CCDC33: variants seen among roughly 807,000 people sequenced by gnomAD.
The protein encoded by CCDC33 is coiled-coil domain containing 33.
A neutral mutation model predicts 91.9 loss-of-function variants in CCDC33; 94 were observed. The observed-to-expected ratio is 1.02, with a 90% confidence interval of 0.87 to 1.21. The LOEUF is 1.21. Ranked by LOEUF, CCDC33 falls within the 50% of genes most tolerant of loss-of-function variation. The pLI, the probability that CCDC33 is intolerant of heterozygous loss-of-function variation, is 0.00. For synonymous variants in CCDC33, 396 were observed against 374.5 expected, an observed-to-expected ratio of 1.06 and a Z score of -0.66; for missense variants, 940 against 935.5, an observed-to-expected ratio of 1.00 and a Z score of -0.06.
chr15:74,333,195 C>A (rs148642464), intron 16 of CCDC33: 4 of 1,530,946 alleles, frequency 2.6e-6, no homozygotes, highest in Non-Finnish European at 3.6e-6. Flanking sequence ...CTTGGTGCAG[C>A]CTTGGAGAGC....
chr15:74,252,379 A>C (rs2075735642), intron 2 of CCDC33, among the ~76,000 whole-genome samples: 1 of 152,210 alleles, frequency 6.6e-6, no homozygotes, highest in African/African-American at 2.4e-5. Context: ...TTGTCTCAGC[A>C]GCCAGAGGGT....
chr15:74,320,643 G>A (rs2060187991), intron 11 of CCDC33, among the ~76,000 whole-genome samples: 1 of 152,136 alleles, frequency 6.6e-6, no homozygotes, highest in Admixed American at 6.5e-5. Context: ...AGGTGGAGAA[G>A]GGGACCCACC....
chr15:74,293,826 C>T (rs993424798), intron 10 of CCDC33, among the ~76,000 whole-genome samples: 5 of 152,222 alleles, frequency 3.3e-5, no homozygotes, highest in Admixed American at 1.3e-4. Flanking sequence ...GTCTATTTTG[C>T]ACCCATTTGA....
At chr15:74,219,434 C>T (rs893785564) in intron 2 of CCDC33, among the ~76,000 whole-genome samples, 2 of 152,186 alleles carry the variant, frequency 1.3e-5, no homozygotes, top group African/African-American at 4.8e-5. Context: ...GAGAAACAGG[C>T]CCAAGGTATG....
At chr15:74,268,999 C>A (rs547626907) in intron 5 of CCDC33, among the ~76,000 whole-genome samples, 21 of 152,362 alleles carry the variant, frequency 1.4e-4, no homozygotes, top group African/African-American at 5.1e-4. Flanking sequence ...ATTCATCCAG[C>A]AACTGTTTAC....
At chr15:74,243,505 G>A (rs1202194742) in intron 1 of CCDC33, among the ~76,000 whole-genome samples, 1 of 152,210 alleles carries the variant, frequency 6.6e-6, no homozygotes, top group Non-Finnish European at 1.5e-5. Context: ...GAGGCACTGA[G>A]AGAGACGTGG....
intron 11 of CCDC33, among the ~76,000 whole-genome samples, chr15:74,309,873 C>T (rs1413752063): frequency 1.3e-5 from 2 of 152,166 alleles, no homozygotes; most frequent in African/African-American, 4.8e-5. Flanking sequence ...GAGAAGCTAG[C>T]GCAGTGGCTC....
At chr15:74,263,878 G>T (rs1166996363) in intron 3 of CCDC33, among the ~76,000 whole-genome samples, 1 of 152,182 alleles carries the variant, frequency 6.6e-6, no homozygotes, top group Non-Finnish European at 1.5e-5. Context: ...GCACAAGTAT[G>T]TATAGATCGT....
At chr15:74,267,138 G>A (rs950341283) in intron 4 of CCDC33, among the ~76,000 whole-genome samples, 1 of 152,216 alleles carries the variant, frequency 6.6e-6, no homozygotes, top group African/African-American at 2.4e-5. Flanking sequence ...CTGCTTGCAC[G>A]CCCTGTGCTA....
rs370366309 is a variant in CCDC33 at position 74,272,868 on chromosome 15, G to A, written c.736G>A (p.Val246Ile). The change falls in exon 7 of 19, where the codon GTC becomes ATC. Residue 246 changes from valine (V) to isoleucine (I), a missense_variant. Physicochemically the swap from Val to Ile is conservative, Grantham distance 29. Coordinates refer to ENST00000398814, the MANE Select transcript of CCDC33 (RefSeq NM_025055.5). ...PSMMNFDVPR[V>I]SQNGCPQLSK... is the part of the protein sequence containing the mutation. ...CATGATGAACTTTGACGTGCCTCGC[G>A]TCAGCCAGAACGGATGCCCTCAGGT... 2.0e-5 allele frequency: 33 copies of A among 1,614,126 alleles called. No individual in the cohort carries two copies. Among genetic ancestry groups the A allele is most frequent in the South Asian group, 6.6e-5 (6 of 91,088 alleles).
At chr15:74,298,408 GA>G (rs1274742330) in intron 11 of CCDC33, among the ~76,000 whole-genome samples, 1 of 152,146 alleles carries the variant, frequency 6.6e-6, no homozygotes, top group Non-Finnish European at 1.5e-5. Flanking sequence ...ACATCTGAAA[GA>G]ATATTAGAAT....
At position 74,256,117 on chromosome 15, in the gene CCDC33, C is replaced by T. The variant is rs555263029; in HGVS notation, c.186-6323C>T. ...AGTAGTGGTGGTGAGGGTGGGGAGG[C>T]GCCAGGAATCATAATGCTGTCCCCA... On this transcript the variant is annotated intron_variant, in intron 2 of 18. Coordinates refer to ENST00000398814, the MANE Select transcript of CCDC33 (RefSeq NM_025055.5). Among the ~76,000 whole-genome samples the T allele has an allele frequency of 1.4e-4, 21 of 152,254 alleles. No individual in the cohort carries two copies. The East Asian group carries it at 2.1e-3, about 15-fold the overall frequency.
At chr15:74,217,628 C>T (rs548903205) in intron 1 of CCDC33, 1 of 1,173,488 alleles carries the variant, frequency 8.5e-7, no homozygotes, top group African/African-American at 1.6e-5. Flanking sequence ...CCCTGGAACT[C>T]CTGCCTGAGT....
intron 2 of CCDC33, among the ~76,000 whole-genome samples, chr15:74,249,953 G>C (rs138749692): frequency 1.1e-4 from 16 of 151,948 alleles, no homozygotes; most frequent in Admixed American, 1.0e-3. Flanking sequence ...TCTTGATCTC[G>C]TCTACCTGAC....
chr15:74,208,483 C>T (rs993018590), intron 1 of CCDC33, among the ~76,000 whole-genome samples: 13 of 152,178 alleles, frequency 8.5e-5, no homozygotes, highest in African/African-American at 2.7e-4. Context: ...CTTCTCTCTC[C>T]TTGTTCCCTT....
intron 10 of CCDC33, among the ~76,000 whole-genome samples, chr15:74,283,453 C>T (rs1203779708): frequency 1.3e-5 from 2 of 152,206 alleles, no homozygotes; most frequent in Non-Finnish European, 2.9e-5. Flanking sequence ...AGAACAGTTT[C>T]CCCATTGCCC....
intron 2 of CCDC33, among the ~76,000 whole-genome samples, chr15:74,245,640 A>G (rs993021016): frequency 6.6e-6 from 1 of 151,498 alleles, no homozygotes; most frequent in Non-Finnish European, 1.5e-5. Flanking sequence ...CCCGGTTGCC[A>G]TGGGAACGCG....
At chr15:74,279,823 C>T (rs932137893) in intron 7 of CCDC33, 140 bp from the exon 8 acceptor site, 10 of 1,170,340 alleles carry the variant, frequency 8.5e-6, no homozygotes, top group African/African-American at 1.5e-5. Flanking sequence ...AGGCGTGAGC[C>T]ACTGTGCCCA....
chr15:74,295,862 A>G lies in CCDC33; in HGVS notation c.1204A>G (p.Thr402Ala), dbSNP rs1399893506. The G allele has an allele frequency of 1.2e-6, 2 of 1,614,212 alleles. No homozygotes were observed. The highest frequency in any genetic ancestry group is 3.3e-5 in the Admixed American group (2 of 60,032). ...RTIQESWSKDTVSSTMDLSTS... is the reference protein window; with the variant it reads ...RTIQESWSKDAVSSTMDLSTS... ...CATCCAAGAGTCCTGGTCCAAGGAC[A>G]CAGTGAGCTCCACAATGGACTTGAG... The change falls in exon 11 of 19, where the codon ACA becomes GCA. Residue 402 changes from threonine to alanine, a missense_variant. Coordinates refer to ENST00000398814, the MANE Select transcript of CCDC33 (RefSeq NM_025055.5).
Sources: gnomAD v4.1 joint callset for allele counts (sites outside exome capture counted in the v4.1 genomes callset) on GRCh38, gnomAD v4.1.1 for gene constraint, MANE v1.5 for transcripts, NCBI Gene and HGNC (gene_info 2026-07-23, HGNC 2026-07-21) for gene names.